The following REPS2 variants were observed in gnomAD, a reference collection of about 807,000 sequenced individuals.
REPS2 encodes the protein RALBP1 associated Eps domain containing 2.
In REPS2, 23 loss-of-function variants were observed where a neutral mutation model predicts 53.6. That is an observed-to-expected ratio of 0.43 (90% confidence interval 0.31 to 0.61). The LOEUF (loss-of-function observed/expected upper bound fraction) is 0.61, where lower values mean the gene tolerates loss of function less well. Among genes scored for constraint, REPS2 ranks in the 20% least tolerant of loss-of-function variants. REPS2 has a pLI of 0.11. For missense variants in REPS2, 446 were observed against 534.9 expected (o/e 0.83, Z 1.64); for synonymous variants, 238 against 218.6 (o/e 1.09, Z -0.78).
At chrX:17,178,954 T>C in the REPS2 span, among the ~76,000 whole-genome samples, 1 of 111,214 alleles carries the variant, frequency 9.0e-6, no homozygotes, top group Admixed American at 9.5e-5. Flanking sequence ...TAGTGCACAG[T>C]TGGCTCCCCT....
rs869259012 is a variant in REPS2 at position 16,956,284 on chromosome X, G to GTTT, written c.273+9183_273+9185dup. Among the ~76,000 whole-genome samples the GTTT allele has an allele frequency of 2.5e-3, 63 of 24,759 alleles. 1 individual carries two copies. The highest frequency in any genetic ancestry group is 5.1e-3 in the South Asian group (1 of 198). 21.5% of individuals were successfully genotyped at this position (24,759 alleles called of 115,157 possible). Reference sequence around the variant, plus strand: ...TGCATGTAAGCAAAAAACCACAGCAGTTTTTTTTTTTTTTTTTTTTTTTTT... The same window carrying GTTT: ...TGCATGTAAGCAAAAAACCACAGCAGTTTTTTTTTTTTTTTTTTTTTTTTTTTT... On this transcript the variant is annotated intron_variant, in intron 1 of 17. Transcript: ENST00000357277.
chrX:17,135,392 T>C lies in REPS2; in HGVS notation c.1794T>C (p.His598=). The C allele has an allele frequency of 8.3e-7, 1 of 1,208,466 alleles. No individual in the cohort carries two copies. The highest frequency in any genetic ancestry group is 1.8e-5 in the South Asian group (1 of 56,109). ...GPASAATMKP[H]PTVQKQSSKQ... ...CTTCTGCGGCAACCATGAAACCGCA[T>C]CCAACAGTCCAAAAGTAAGTAGACC... is the stretch of plus-strand genomic sequence containing the variant. The change falls in exon 16 of 18, where the codon CAT becomes CAC. Residue 598 remains histidine (H), a synonymous_variant. Transcript: ENST00000357277.
chrX:17,019,687 C>A (rs1407548959), intron 2 of REPS2, among the ~76,000 whole-genome samples: 1 of 110,764 alleles, frequency 9.0e-6, no homozygotes, highest in African/African-American at 3.3e-5. Context: ...AATTAGCCAG[C>A]ATGGTGGCAA....
chrX:17,049,619 A>T (rs774690034), intron 6 of REPS2, among the ~76,000 whole-genome samples: 14 of 111,723 alleles, frequency 1.3e-4, no homozygotes, highest in Non-Finnish European at 2.3e-4. Flanking sequence ...TTGTGGGTAC[A>T]TAGGTGTATA....
chrX:17,136,832 C>T (rs932430091), intron 16 of REPS2: 1 of 112,034 alleles, frequency 8.9e-6, no homozygotes, highest in Admixed American at 9.5e-5. Flanking sequence ...AACCACGAAT[C>T]TCCTTTCTGT....
At chrX:17,116,631 C>G (rs1256029191) in intron 14 of REPS2, among the ~76,000 whole-genome samples, 2 of 111,870 alleles carry the variant, frequency 1.8e-5, no homozygotes, top group South Asian at 7.4e-4. Flanking sequence ...TGTTATTAAG[C>G]CTCTATCACT....
intron 2 of REPS2, among the ~76,000 whole-genome samples, chrX:17,014,914 T>C (rs1372118261): frequency 1.8e-5 from 2 of 113,343 alleles, no homozygotes; most frequent in Admixed American, 1.9e-4. Context: ...CTAGAAAGAA[T>C]TTTAATGTTC....
intron 10 of REPS2, 99 bp downstream of exon 10, chrX:17,068,570 C>T (rs1251876160): frequency 1.7e-6 from 1 of 595,775 alleles, no homozygotes; most frequent in Non-Finnish European, 2.7e-6. Context: ...GAGGGTGGTT[C>T]TCAGCATGTA....
chrX:17,124,692 G>T (rs1285408411), intron 14 of REPS2, among the ~76,000 whole-genome samples: 1 of 110,632 alleles, frequency 9.0e-6, no homozygotes, highest in Non-Finnish European at 1.9e-5. Flanking sequence ...CTTCTTGTCT[G>T]CCTAGAATTT....
intron 1 of REPS2, among the ~76,000 whole-genome samples, chrX:17,000,192 A>C (rs2061289464): frequency 8.9e-6 from 1 of 112,191 alleles, no homozygotes; most frequent in African/African-American, 3.2e-5. Flanking sequence ...TCCTGTTTGA[A>C]AGCTCCTGAA....
chrX:17,188,873 G>A, the REPS2 span, among the ~76,000 whole-genome samples: 3 of 111,928 alleles, frequency 2.7e-5, 1 homozygote, highest in South Asian at 1.1e-3. Flanking sequence ...TATGTGCCAA[G>A]CACTATTCTG....
At chrX:17,062,683 A>C (rs2062174343) in intron 9 of REPS2, 151 bp downstream of exon 9, 2 of 413,727 alleles carry the variant, frequency 4.8e-6, no homozygotes, top group Non-Finnish European at 8.2e-6. Context: ...AATTATTAAT[A>C]CTTTGATGCT....
the REPS2 span, among the ~76,000 whole-genome samples, chrX:17,183,132 GT>G: frequency 2.7e-5 from 3 of 112,303 alleles, no homozygotes; most frequent in Non-Finnish European, 5.6e-5. Flanking sequence ...CCTGAAGGAG[GT>G]TCTGCCTTCA....
intron 13 of REPS2, among the ~76,000 whole-genome samples, chrX:17,083,681 T>C (rs1299992685): frequency 1.8e-5 from 2 of 111,712 alleles, no homozygotes; most frequent in Non-Finnish European, 3.8e-5. Context: ...TCAGGTTCTC[T>C]AAAAGATGAA....
chrX:17,031,720 A>G (rs1180540025), intron 5 of REPS2, among the ~76,000 whole-genome samples: 2 of 111,595 alleles, frequency 1.8e-5, no homozygotes, highest in African/African-American at 6.5e-5. Context: ...GGGGAGCAAC[A>G]TTCGAGTTGG....
At chrX:16,960,674 C>T (rs1271910916) in intron 1 of REPS2, among the ~76,000 whole-genome samples, 3 of 111,491 alleles carry the variant, frequency 2.7e-5, no homozygotes, top group African/African-American at 9.8e-5. Context: ...TAAAAGGCAT[C>T]TAAATTGGGA....
At chrX:17,143,530 C>G (rs188595802) in intron 17 of REPS2, among the ~76,000 whole-genome samples, 2 of 107,739 alleles carry the variant, frequency 1.9e-5, no homozygotes, top group Non-Finnish European at 3.8e-5. Flanking sequence ...TTTCCTCCCC[C>G]CTGCCCTCAC....
At chrX:17,037,051 C>T (rs2061774921) in intron 5 of REPS2, among the ~76,000 whole-genome samples, 1 of 110,466 alleles carries the variant, frequency 9.1e-6, no homozygotes. Flanking sequence ...ACTATAGAAC[C>T]CACATATACC....
At chrX:17,050,138 C>CT (rs1336707826) in intron 6 of REPS2, among the ~76,000 whole-genome samples, 29 of 33,055 alleles carry the variant, frequency 8.8e-4, no homozygotes, top group African/African-American at 1.5e-3. Context: ...TTCTTCCTTT[C>CT]TTCCTTTCTT....
Sources: gnomAD v4.1 joint callset for allele counts (sites outside exome capture counted in the v4.1 genomes callset) on GRCh38, gnomAD v4.1.1 for gene constraint, MANE v1.5 for transcripts, NCBI Gene and HGNC (gene_info 2026-07-23, HGNC 2026-07-21) for gene names.